B3GALT1: variants seen among roughly 807,000 people sequenced by gnomAD.
B3GALT1 encodes beta-1,3-galactosyltransferase 1, also known as UDP-Gal:betaGlcNAc beta 1,3-galactosyltransferase, polypeptide 1.
In B3GALT1, 10 loss-of-function variants were observed where a neutral mutation model predicts 23.2. The observed-to-expected ratio is 0.43, with a 90% CI of 0.27 to 0.73. The LOEUF (loss-of-function observed/expected upper bound fraction) is 0.73. Among genes scored for constraint, B3GALT1 ranks in the 30% least tolerant of loss-of-function variants. The probability of loss-of-function intolerance (pLI) is 0.21; values close to 1 mark genes in which losing one functional copy is unlikely to be tolerated. For missense variants in B3GALT1, 299 were observed against 405.4 expected, an observed-to-expected ratio of 0.74 and a Z score of 2.25; for synonymous variants, 156 against 141.5, an observed-to-expected ratio of 1.10 and a Z score of -0.73.
intron 1 of B3GALT1, among the ~76,000 whole-genome samples, chr2:167,401,062 CATT>C (rs1698180722): frequency 2.6e-5 from 4 of 152,114 alleles, no homozygotes; most frequent in Middle Eastern, 3.4e-3. Context: ...TAGAAATCAT[CATT>C]ATTTTTATCT....
chr2:167,486,228 G>A (rs1476680004), intron 1 of B3GALT1, among the ~76,000 whole-genome samples: 2 of 151,158 alleles, frequency 1.3e-5, no homozygotes, highest in Non-Finnish European at 2.9e-5. Flanking sequence ...GTGTGGTGGC[G>A]CATGCCTGTA....
At chr2:167,785,021 G>A (rs934819780) in intron 3 of B3GALT1, among the ~76,000 whole-genome samples, 16 of 152,140 alleles carry the variant, frequency 1.1e-4, no homozygotes, top group Non-Finnish European at 8.8e-5. Context: ...CTCATCTGCC[G>A]TGTACATCTG....
intron 3 of B3GALT1, among the ~76,000 whole-genome samples, chr2:167,812,848 G>A (rs1246081926): frequency 6.6e-6 from 1 of 151,896 alleles, no homozygotes; most frequent in Admixed American, 6.6e-5. Flanking sequence ...AACAGTAACT[G>A]GGTTTATATT....
At chr2:167,689,320 C>T (rs1243795888) in intron 3 of B3GALT1, among the ~76,000 whole-genome samples, 1 of 151,866 alleles carries the variant, frequency 6.6e-6, no homozygotes, top group Non-Finnish European at 1.5e-5. Flanking sequence ...GCAAAAATAT[C>T]CTTCAGGAAT....
intron 2 of B3GALT1, among the ~76,000 whole-genome samples, chr2:167,610,575 T>G (rs1241364905): frequency 6.6e-6 from 1 of 152,054 alleles, no homozygotes. Flanking sequence ...AGGCCGTGAT[T>G]AAATATTGAT....
chr2:167,309,861 G>A (rs1227084942), intron 1 of B3GALT1, among the ~76,000 whole-genome samples: 2 of 151,978 alleles, frequency 1.3e-5, no homozygotes, highest in East Asian at 3.8e-4. Flanking sequence ...TTGGTTTTCA[G>A]TAAATGGTAT....
intron 1 of B3GALT1, among the ~76,000 whole-genome samples, chr2:167,360,053 T>C (rs1273349634): frequency 6.6e-6 from 1 of 152,130 alleles, no homozygotes; most frequent in Non-Finnish European, 1.5e-5. Context: ...TAATAGAAAA[T>C]CATGGTTGAA....
intron 1 of B3GALT1, among the ~76,000 whole-genome samples, chr2:167,477,528 G>C (rs1309157106): frequency 1.3e-5 from 2 of 152,174 alleles, no homozygotes; most frequent in South Asian, 2.1e-4. Flanking sequence ...TAATGCAAAA[G>C]TAAGTTCCAA....
chr2:167,694,310 G>A (rs1686758729), intron 3 of B3GALT1, among the ~76,000 whole-genome samples: 1 of 152,076 alleles, frequency 6.6e-6, no homozygotes, highest in African/African-American at 2.4e-5. Flanking sequence ...CTGTGGAGTT[G>A]AATGATAATT....
At chr2:167,341,385 C>A (rs114975270) in intron 1 of B3GALT1, among the ~76,000 whole-genome samples, 1 of 152,028 alleles carries the variant, frequency 6.6e-6, no homozygotes, top group South Asian at 2.1e-4. Context: ...TTACTGCCTG[C>A]GTGTGGTGGC....
intron 2 of B3GALT1, among the ~76,000 whole-genome samples, chr2:167,578,461 G>C (rs1684422670): frequency 1.3e-5 from 2 of 151,400 alleles, no homozygotes; most frequent in South Asian, 4.2e-4. Context: ...GACTAAATGA[G>C]TTCTAGGCCA....
intron 3 of B3GALT1, among the ~76,000 whole-genome samples, chr2:167,653,295 G>T (rs1221624796): frequency 6.6e-6 from 1 of 152,102 alleles, no homozygotes; most frequent in Non-Finnish European, 1.5e-5. Flanking sequence ...GGTCAATGTG[G>T]ACATTAACCA....
intron 3 of B3GALT1, among the ~76,000 whole-genome samples, chr2:167,772,766 A>G (rs555647782): frequency 1.8e-4 from 27 of 152,218 alleles, no homozygotes; most frequent in African/African-American, 6.5e-4. Flanking sequence ...ATGACACACT[A>G]TGTTATTCTT....
chr2:167,590,046 TTAGAAATAAC>T (rs1414449567), intron 2 of B3GALT1, among the ~76,000 whole-genome samples: 1 of 152,062 alleles, frequency 6.6e-6, no homozygotes, highest in Non-Finnish European at 1.5e-5. Flanking sequence ...TACATCCTGT[TTAGAAATAAC>T]ATTTAGTGGG....
At chr2:167,692,893 T>C (rs1254135124) in intron 3 of B3GALT1, among the ~76,000 whole-genome samples, 2 of 152,096 alleles carry the variant, frequency 1.3e-5, no homozygotes, top group Non-Finnish European at 2.9e-5. Context: ...AGAAAACTGA[T>C]GAGATGGGCT....
Position 167,367,930 on chromosome 2 carries a change from G to A in B3GALT1, c.-511+74596G>A, listed in dbSNP as rs572660118. Among the ~76,000 whole-genome samples, 30 of 152,278 alleles carry A rather than the reference G, an allele frequency of 2.0e-4. No homozygotes were observed. In the South Asian group the frequency reaches 6.2e-3, roughly 32 times the overall value. On this transcript the variant is annotated intron_variant, in intron 1 of 4. Transcript: ENST00000392690. Reference sequence around the variant, plus strand: ...AATCAAATATAACAGGACTTCAAAAGCAAGAGTTTTCCAATTTATTCTTCT... The same window carrying A: ...AATCAAATATAACAGGACTTCAAAAACAAGAGTTTTCCAATTTATTCTTCT...
At chr2:167,443,053 A>G (rs992992634) in intron 1 of B3GALT1, among the ~76,000 whole-genome samples, 4 of 152,026 alleles carry the variant, frequency 2.6e-5, no homozygotes, top group African/African-American at 9.7e-5. Flanking sequence ...ATTTTTGTAT[A>G]AGGTGTAAGG....
At chr2:167,486,823 A>G (rs1049492860) in intron 1 of B3GALT1, among the ~76,000 whole-genome samples, 9 of 152,136 alleles carry the variant, frequency 5.9e-5, no homozygotes, top group Non-Finnish European at 1.3e-4. Flanking sequence ...AATAGAAAGC[A>G]AAAATATTGA....
intron 3 of B3GALT1, among the ~76,000 whole-genome samples, chr2:167,694,672 C>T (rs76231206): frequency 0.013 from 1,933 of 152,188 alleles, 43 homozygotes; most frequent in African/African-American, 0.044. Flanking sequence ...GCATGACTTT[C>T]CAAGGTCTAG....
Sources: gnomAD v4.1 joint callset for allele counts (sites outside exome capture counted in the v4.1 genomes callset) on GRCh38, gnomAD v4.1.1 for gene constraint, MANE v1.5 for transcripts, NCBI Gene and HGNC (gene_info 2026-07-23, HGNC 2026-07-21) for gene names.